Variants in SPP2 observed in about 807,000 individuals in gnomAD.
SPP2 encodes the protein secreted phosphoprotein 24.
Under a neutral mutation model 28.8 loss-of-function variants are expected in SPP2, and 34 were observed. The ratio of observed to expected loss-of-function variants is 1.18; its 90% CI spans 0.90 to 1.57. The LOEUF (loss-of-function observed/expected upper bound fraction) is 1.57, where lower values mean the gene tolerates loss of function less well. Ranked by LOEUF, SPP2 falls within the 40% of genes most tolerant of loss-of-function variation. The pLI, the probability that SPP2 is intolerant of heterozygous loss-of-function variation, is 0.00. For missense variants in SPP2, 269 were observed against 263.9 expected, an observed-to-expected ratio of 1.02 and a Z score of -0.13; for synonymous variants, 96 against 89.4, an observed-to-expected ratio of 1.07 and a Z score of -0.42.
chr2:234,067,955 T>A (rs897385346), intron 6 of SPP2, among the ~76,000 whole-genome samples: 6 of 152,038 alleles, frequency 3.9e-5, no homozygotes, highest in African/African-American at 1.4e-4. Context: ...TTTTTATGGG[T>A]ACATAGGAGG....
intron 4 of SPP2, 99 bp from the exon 5 acceptor site, chr2:234,066,434 C>A (rs1279774537): frequency 3.0e-5 from 28 of 920,316 alleles, no homozygotes; most frequent in Non-Finnish European, 4.2e-5. Flanking sequence ...GATTATATAA[C>A]ATATATCAGA....
At chr2:234,060,537 G>A (rs1693698680) in intron 4 of SPP2, 58 bp downstream of exon 4, 4 of 1,402,508 alleles carry the variant, frequency 2.9e-6, no homozygotes, top group South Asian at 1.2e-5. Flanking sequence ...GTGTGGGTTT[G>A]TGAAAAACAG....
chr2:234,050,962 C>A lies in SPP2; in HGVS notation c.86-9C>A, dbSNP rs202019698. On this transcript the variant is annotated splice_polypyrimidine_tract_variant and intron_variant, in intron 1 of 7. Transcript: ENST00000168148. ...TGTCTCACTGTGCCCCATGTGCTTG[C>A]GTGTCCAGGTTTCCCAGTGTACGAC... 5 of 1,613,822 alleles carry A rather than the reference C, an allele frequency of 3.1e-6. No homozygotes were observed. The highest frequency in any genetic ancestry group is 2.2e-5 in the East Asian group (1 of 44,880).
At chr2:234,060,023 G>T (rs1372261692) in intron 3 of SPP2, among the ~76,000 whole-genome samples, 1 of 152,146 alleles carries the variant, frequency 6.6e-6, no homozygotes, top group Non-Finnish European at 1.5e-5. Context: ...TATTTCTAAT[G>T]AAATCTGAGG....
intron 2 of SPP2, among the ~76,000 whole-genome samples, chr2:234,054,624 A>G (rs2125451277): frequency 1.3e-5 from 2 of 152,264 alleles, no homozygotes; most frequent in South Asian, 4.2e-4. Flanking sequence ...TAAGGATGCT[A>G]ATCCCACTTA....
Position 234,076,963 on chromosome 2 carries a change from A to G in SPP2, c.*129A>G, listed in dbSNP as rs1234882605. On this transcript the variant is annotated 3_prime_UTR_variant, in exon 8 of 8. Transcript: ENST00000168148. ...CAGGAGTCCTGGGTCCCTGGCCTCC[A>G]AAGCTGGAATGTGAACGCATGCCAC... The G allele has an allele frequency of 2.0e-5, 3 of 151,976 alleles. No individual in the cohort carries two copies. Among genetic ancestry groups the G allele is most frequent in the Non-Finnish European group, 4.4e-5 (3 of 67,992 alleles). 9.4% of individuals were successfully genotyped at this position (151,976 alleles called of 1,614,324 possible). A position where few individuals can be genotyped will look rare whatever the true frequency, so the allele number is the denominator to read the frequency against.
chr2:234,076,746 G>A (rs1262355036), intron 7 of SPP2, 99 bp from the exon 8 acceptor site: 2 of 152,188 alleles, frequency 1.3e-5, no homozygotes, highest in African/African-American at 4.8e-5. Context: ...GCCTCTGCTT[G>A]GGGTCTCTTT....
intron 4 of SPP2, among the ~76,000 whole-genome samples, chr2:234,064,378 GAA>G (rs1332286935): frequency 1.3e-5 from 2 of 152,136 alleles, no homozygotes; most frequent in Non-Finnish European, 2.9e-5. Flanking sequence ...ACTTAGGAGG[GAA>G]AAGAGGCATT....
At chr2:234,061,327 G>A (rs769618655) in intron 4 of SPP2, among the ~76,000 whole-genome samples, 1 of 152,112 alleles carries the variant, frequency 6.6e-6, no homozygotes, top group Non-Finnish European at 1.5e-5. Flanking sequence ...GTTTGACATA[G>A]CTCACTAAAT....
intron 2 of SPP2, among the ~76,000 whole-genome samples, chr2:234,058,011 G>T (rs954484412): frequency 2.6e-5 from 4 of 152,166 alleles, no homozygotes; most frequent in African/African-American, 9.7e-5. Context: ...TAGAAGGTTT[G>T]GTTCCTGTGA....
intron 3 of SPP2, among the ~76,000 whole-genome samples, 193 bp downstream of exon 3, chr2:234,059,151 C>T (rs1693668215): frequency 6.6e-6 from 1 of 152,134 alleles, no homozygotes; most frequent in African/African-American, 2.4e-5. Flanking sequence ...AGTCTGAGAT[C>T]CTGAGTGATC....
intron 6 of SPP2, among the ~76,000 whole-genome samples, chr2:234,069,624 A>G (rs1693893968): frequency 6.6e-6 from 1 of 152,100 alleles, no homozygotes; most frequent in Non-Finnish European, 1.5e-5. Flanking sequence ...GATCCCTTGG[A>G]GGACTGAAAG....
intron 2 of SPP2, among the ~76,000 whole-genome samples, chr2:234,056,591 G>A (rs534510476): frequency 6.6e-6 from 1 of 152,270 alleles, no homozygotes; most frequent in Admixed American, 6.5e-5. Context: ...CATCTTTTCA[G>A]CTAAGCTTTT....
At chr2:234,076,355 G>A (rs1423368454) in intron 7 of SPP2, among the ~76,000 whole-genome samples, 5 of 151,996 alleles carry the variant, frequency 3.3e-5, no homozygotes, top group Non-Finnish European at 5.9e-5. Flanking sequence ...CTTATCCTCC[G>A]AGTTCAGCTT....
At position 234,059,054 on chromosome 2, in the gene SPP2, G is replaced by C. The variant is rs1003091183; in HGVS notation, c.333+96G>C. The C allele has an allele frequency of 3.4e-6, 5 of 1,451,104 alleles. No homozygotes were observed. The African/African-American group carries it at 7.1e-5, about 21-fold the overall frequency. The allele number at this position is 1,451,104 out of a possible 1,614,324, so 89.9% of individuals were successfully genotyped here. On this transcript the variant is annotated intron_variant, in intron 3 of 7. Coordinates refer to ENST00000168148, the MANE Select transcript of SPP2 (RefSeq NM_006944.3). ...ACACAAAGAACTTGGTCGCTGCCTGGCTAGCATCTGGCCACACTGCTAACA... is the reference window on the plus strand; with the variant it reads ...ACACAAAGAACTTGGTCGCTGCCTGCCTAGCATCTGGCCACACTGCTAACA...
intron 2 of SPP2, among the ~76,000 whole-genome samples, chr2:234,053,657 A>G (rs1169117662): frequency 1.3e-5 from 2 of 152,042 alleles, no homozygotes; most frequent in Admixed American, 6.6e-5. Flanking sequence ...AATTGATTTC[A>G]AGTTACTCAC....
intron 6 of SPP2, 141 bp from the exon 7 acceptor site, chr2:234,069,787 G>A (rs574695965): frequency 1.2e-4 from 74 of 620,854 alleles, no homozygotes; most frequent in Middle Eastern, 1.1e-3. Flanking sequence ...TGAAGTTATC[G>A]CACCCTCAGG....
intron 7 of SPP2, among the ~76,000 whole-genome samples, chr2:234,075,272 T>C (rs1690873927): frequency 6.6e-6 from 1 of 152,184 alleles, no homozygotes; most frequent in Non-Finnish European, 1.5e-5. Flanking sequence ...CTAATGAGGA[T>C]TGACTGCTGA....
chr2:234,056,187 C>A (rs1228389797), intron 2 of SPP2: 1 of 152,072 alleles, frequency 6.6e-6, no homozygotes, highest in Non-Finnish European at 1.5e-5. Flanking sequence ...GGGCTAATAT[C>A]CAGAATCTAC....
Sources: gnomAD v4.1 joint callset for allele counts (sites outside exome capture counted in the v4.1 genomes callset) on GRCh38, gnomAD v4.1.1 for gene constraint, MANE v1.5 for transcripts, NCBI Gene and HGNC (gene_info 2026-07-23, HGNC 2026-07-21) for gene names.